TENM3: variants seen among roughly 807,000 people sequenced by gnomAD.
TENM3 encodes the protein teneurin transmembrane protein 3, also known as teneurin-3.
In TENM3, 63 loss-of-function variants were observed where a neutral mutation model predicts 255.1. The ratio of observed to expected loss-of-function variants is 0.25; its 90% CI spans 0.20 to 0.30. The LOEUF (loss-of-function observed/expected upper bound fraction) is 0.30, where lower values mean the gene tolerates loss of function less well. Among genes scored for constraint, TENM3 ranks in the 10% least tolerant of loss-of-function variants. The pLI is 1.00. For synonymous variants in TENM3, 1,306 were observed against 1,322.3 expected (o/e 0.99, Z 0.27); for missense variants, 2,929 against 3,461.1 (o/e 0.85, Z 3.86).
At chr4:181,727,472 T>C in the TENM3 span, among the ~76,000 whole-genome samples, 1 of 152,188 alleles carries the variant, frequency 6.6e-6, no homozygotes, top group Non-Finnish European at 1.5e-5. Flanking sequence ...CCAGGAATCA[T>C]GGACAAAACC....
chr4:181,745,784 G>T, the TENM3 span, among the ~76,000 whole-genome samples: 1 of 152,220 alleles, frequency 6.6e-6, no homozygotes, highest in South Asian at 2.1e-4. Context: ...TGGGGAGGGA[G>T]AATAAACAGA....
At chr4:182,132,632 T>C in the TENM3 span, among the ~76,000 whole-genome samples, 1 of 152,238 alleles carries the variant, frequency 6.6e-6, no homozygotes, top group African/African-American at 2.4e-5. Context: ...ATGACTTTTC[T>C]CAAAAGCAGA....
chr4:182,216,121 G>A (rs1755447775), intron 1 of TENM3, among the ~76,000 whole-genome samples: 1 of 152,144 alleles, frequency 6.6e-6, no homozygotes, highest in African/African-American at 2.4e-5. Flanking sequence ...GACACCAGTG[G>A]CACTCCAACT....
the TENM3 span, among the ~76,000 whole-genome samples, chr4:181,629,718 T>A: frequency 2.0e-5 from 3 of 152,316 alleles, no homozygotes; most frequent in South Asian, 6.2e-4. Context: ...CTTTTTGATG[T>A]GCTGCTGGAT....
At chr4:181,501,488 C>T in the TENM3 span, among the ~76,000 whole-genome samples, 1 of 151,868 alleles carries the variant, frequency 6.6e-6, no homozygotes, top group Non-Finnish European at 1.5e-5. Flanking sequence ...AACTGATTCT[C>T]CTGCCTCAGC....
At chr4:182,421,334 G>A (rs1043703237) in intron 3 of TENM3, among the ~76,000 whole-genome samples, 5 of 152,026 alleles carry the variant, frequency 3.3e-5, no homozygotes, top group Non-Finnish European at 5.9e-5. Context: ...ATCATCCAAC[G>A]TCACTCAAGT....
chr4:181,522,617 T>C, the TENM3 span: 1 of 513,460 alleles, frequency 1.9e-6, no homozygotes, highest in Non-Finnish European at 3.7e-6. Flanking sequence ...CATCTATTCT[T>C]CTTGAGGTCT....
At chr4:181,889,957 G>A in the TENM3 span, among the ~76,000 whole-genome samples, 4 of 152,192 alleles carry the variant, frequency 2.6e-5, 1 homozygote, top group South Asian at 6.2e-4. Context: ...ATGTTAGGTT[G>A]ATTGGAAAAT....
chr4:182,793,274 G>A lies in TENM3; in HGVS notation c.6602G>A (p.Gly2201Asp), dbSNP rs1414732568. 4 of 1,613,758 alleles carry A rather than the reference G, an allele frequency of 2.5e-6. No homozygotes were observed. The highest frequency in any genetic ancestry group is 1.1e-5 in the South Asian group (1 of 91,074). Reference protein sequence around the residue: ...LDEDGFLRQRGTEIFEYSSKG... With the variant: ...LDEDGFLRQRDTEIFEYSSKG... ...GAAGATGGTTTCCTACGTCAAAGGG[G>A]CACGGAAATCTTTGAATATAGCTCC... The change falls in exon 26 of 28, where the codon GGC becomes GAC. Residue 2201 changes from glycine (G) to aspartate (D), a missense_variant. Coordinates refer to ENST00000511685, the MANE Select transcript of TENM3 (RefSeq NM_001080477.4). The surrounding 1 kb of genome is among the most constrained non-coding windows in gnomAD (Gnocchi z 5.7).
At chr4:182,361,117 G>A (rs1254560842) in intron 3 of TENM3, among the ~76,000 whole-genome samples, 1 of 152,138 alleles carries the variant, frequency 6.6e-6, no homozygotes, top group East Asian at 1.9e-4. Flanking sequence ...GCTTCCCTTT[G>A]TGGGTAACCC....
chr4:181,545,054 G>T, the TENM3 span, among the ~76,000 whole-genome samples: 10 of 152,200 alleles, frequency 6.6e-5, no homozygotes, highest in Admixed American at 2.0e-4. Flanking sequence ...ACATTTTGAT[G>T]ATAGTTTCTT....
chr4:181,851,011 A>T, the TENM3 span, among the ~76,000 whole-genome samples: 1 of 127,472 alleles, frequency 7.8e-6, no homozygotes, highest in Admixed American at 9.1e-5. Context: ...TGGGAATGGG[A>T]AAAGGATGAA....
At chr4:182,772,837 A>T (rs1764371351) in intron 22 of TENM3, among the ~76,000 whole-genome samples, 1 of 152,232 alleles carries the variant, frequency 6.6e-6, no homozygotes, top group Non-Finnish European at 1.5e-5. Context: ...ATCACCATGC[A>T]AGATATTCCC....
intron 3 of TENM3, among the ~76,000 whole-genome samples, chr4:182,543,659 A>C (rs1028276120): frequency 2.0e-5 from 3 of 151,444 alleles, no homozygotes; most frequent in Non-Finnish European, 3.0e-5. Context: ...GAGATAGAAC[A>C]TATTTTCATA....
At chr4:182,091,819 T>C in the TENM3 span, among the ~76,000 whole-genome samples, 1 of 152,182 alleles carries the variant, frequency 6.6e-6, no homozygotes, top group East Asian at 1.9e-4. Flanking sequence ...GTTTGCAGAC[T>C]CCTACCCCTA....
chr4:181,621,458 A>G, the TENM3 span, among the ~76,000 whole-genome samples: 1 of 152,218 alleles, frequency 6.6e-6, no homozygotes, highest in Non-Finnish European at 1.5e-5. Context: ...TTAATGCTAT[A>G]ATACAGAGAA....
At chr4:181,911,504 G>A in the TENM3 span, among the ~76,000 whole-genome samples, 1 of 152,204 alleles carries the variant, frequency 6.6e-6, no homozygotes, top group South Asian at 2.1e-4. Context: ...GATAAAATGT[G>A]TTTGAAGGCT....
intron 1 of TENM3, among the ~76,000 whole-genome samples, chr4:182,297,157 C>T (rs901815261): frequency 2.6e-5 from 4 of 152,162 alleles, no homozygotes; most frequent in African/African-American, 4.8e-5. Context: ...GTCCTTTCTG[C>T]TCTCCCTCTC....
chr4:182,561,156 AAACT>A (rs1456036186), intron 3 of TENM3, among the ~76,000 whole-genome samples: 1 of 152,124 alleles, frequency 6.6e-6, no homozygotes, highest in East Asian at 1.9e-4. Context: ...AAAAAAAGAC[AAACT>A]AAGACTCAAA....
Sources: allele counts gnomAD v4.1 joint callset (sites outside exome capture counted in the v4.1 genomes callset), GRCh38; gene constraint gnomAD v4.1.1; non-coding constraint Gnocchi (gnomAD v3.1); transcripts MANE v1.5; gene names NCBI Gene and HGNC (gene_info 2026-07-23, HGNC 2026-07-21).